Variants in CDH23 observed in about 807,000 individuals in gnomAD.
CDH23 encodes the protein cadherin related 23.
CDH23 carries 189 observed loss-of-function variants against 317.1 expected under a neutral mutation model. The observed-to-expected ratio is 0.60, with a 90% CI of 0.53 to 0.67. The LOEUF (loss-of-function observed/expected upper bound fraction) is 0.67. CDH23 is among the 30% of genes least tolerant of loss of function. The pLI is 0.00. For synonymous variants in CDH23, 1,839 were observed against 1,876.8 expected, an observed-to-expected ratio of 0.98 and a Z score of 0.52; for missense variants, 4,401 against 4,592.4, an observed-to-expected ratio of 0.96 and a Z score of 1.20.
intron 57 of CDH23, 35 bp from the exon 58 acceptor site, chr10:71,807,242 T>C: frequency 6.2e-7 from 1 of 1,608,136 alleles, no homozygotes; most frequent in Non-Finnish European, 8.5e-7. Flanking sequence ...GGTCTTCCCT[T>C]GGCCCCATGT....
intron 55 of CDH23, 82 bp from the exon 56 acceptor site, chr10:71,805,724 G>T: frequency 7.2e-7 from 1 of 1,382,766 alleles, no homozygotes; most frequent in Non-Finnish European, 9.7e-7. Context: ...TACGGCAGGA[G>T]AAAGAGCAAG....
intron 6 of CDH23, among the ~76,000 whole-genome samples, chr10:71,511,462 C>G (rs1018379264): frequency 1.3e-5 from 2 of 152,072 alleles, no homozygotes; most frequent in Admixed American, 1.3e-4. Flanking sequence ...CCCCACACCT[C>G]CAGCTGGAGT....
chr10:71,415,690 T>C (rs555252728), intron 1 of CDH23, among the ~76,000 whole-genome samples: 1 of 152,226 alleles, frequency 6.6e-6, no homozygotes, highest in Non-Finnish European at 1.5e-5. Context: ...CAAATTTTGA[T>C]GTCATATTTT....
chr10:71,434,188 C>T (rs1251311911), intron 1 of CDH23, among the ~76,000 whole-genome samples: 1 of 152,328 alleles, frequency 6.6e-6, no homozygotes, highest in African/African-American at 2.4e-5. Context: ...GGCCCACTCT[C>T]CTGCGAGTGC....
intron 24 of CDH23, among the ~76,000 whole-genome samples, chr10:71,704,056 A>G (rs946163013): frequency 1.2e-4 from 19 of 152,186 alleles, no homozygotes; most frequent in African/African-American, 4.1e-4. Flanking sequence ...AGCGTTCTCC[A>G]GGGGGTAGAG....
intron 1 of CDH23, among the ~76,000 whole-genome samples, chr10:71,415,439 A>G (rs948322549): frequency 6.6e-6 from 1 of 152,146 alleles, no homozygotes; most frequent in Non-Finnish European, 1.5e-5. Context: ...GGATTAATCA[A>G]TTGTATTGAT....
chr10:71,690,567 G>A lies in CDH23; in HGVS notation c.2159G>A (p.Arg720Gln), dbSNP rs768074758. ...IYSLEGSTQF[R>Q]INARSGEITT... Reference sequence around the variant, plus strand: ...TCCTTGGAAGGCTCCACCCAGTTTCGGATCAATGCCCGCTCAGGTGAGCCC... The same window carrying A: ...TCCTTGGAAGGCTCCACCCAGTTTCAGATCAATGCCCGCTCAGGTGAGCCC... The change falls in exon 20 of 70, where the codon CGG becomes CAG. Residue 720 changes from arginine (R) to glutamine (Q), a missense_variant. Coordinates refer to ENST00000224721, the MANE Select transcript of CDH23 (RefSeq NM_022124.6). 1.7e-5 allele frequency: 28 copies of A among 1,603,276 alleles called. No homozygotes were observed. Among genetic ancestry groups the A allele is most frequent in the South Asian group, 7.9e-5 (7 of 88,438 alleles).
chr10:71,438,347 C>CAAAAAAAAAAAAAAAAAAAA (rs10596696), intron 1 of CDH23, among the ~76,000 whole-genome samples: 18 of 98,354 alleles, frequency 1.8e-4, no homozygotes, highest in African/African-American at 3.4e-4. Flanking sequence ...CTGTCTCAAA[C>CAAAAAAAAAAAAAAAAAAAA]AAAAAAAAAA....
At chr10:71,738,052 C>T (rs747820211) in intron 34 of CDH23, among the ~76,000 whole-genome samples, 1 of 152,174 alleles carries the variant, frequency 6.6e-6, no homozygotes, top group Non-Finnish European at 1.5e-5. Context: ...TTTGGACAGC[C>T]CACACATAAT....
In CDH23 at chr10:71,724,099, C is replaced by T. The variant is rs1207934003; in HGVS notation, c.3424C>T (p.Leu1142Phe). The stretch of plus-strand genomic sequence containing the variant: ...GTTTGGGCGTGTGTGGTACCGCATC[C>T]TCCATGGTAAGTGGGGCTGCCCTAG... ...GEFGRVWYRILHGNHGNNFRI... is the reference protein window; with the variant it reads ...GEFGRVWYRIFHGNHGNNFRI... The change falls in exon 29 of 70, where the codon CTC becomes TTC. Residue 1142 changes from leucine (L) to phenylalanine (F), a missense_variant. Physicochemically the swap from Leu to Phe is conservative, Grantham distance 22 (BLOSUM62 0). Around this residue, in one of 3 missense-constraint regions of CDH23, gnomAD observed 3,068 missense variants for 3,203.3 expected, o/e 0.96. Coordinates refer to ENST00000224721, the MANE Select transcript of CDH23 (RefSeq NM_022124.6). 5.8e-6 allele frequency: 9 copies of T among 1,557,948 alleles called. No individual in the cohort carries two copies. The highest frequency in any genetic ancestry group is 7.8e-6 in the Non-Finnish European group (9 of 1,150,442).
At chr10:71,632,847 G>A (rs981640533) in intron 11 of CDH23, among the ~76,000 whole-genome samples, 2 of 152,070 alleles carry the variant, frequency 1.3e-5, no homozygotes, top group Non-Finnish European at 2.9e-5. Context: ...AGTCCATTTT[G>A]TGTTGCTTAT....
intron 9 of CDH23, among the ~76,000 whole-genome samples, chr10:71,579,093 A>G (rs1858445121): frequency 6.6e-6 from 1 of 152,176 alleles, no homozygotes; most frequent in Non-Finnish European, 1.5e-5. Context: ...TTTAACATAT[A>G]AAGGGCTTAG....
intron 14 of CDH23, among the ~76,000 whole-genome samples, chr10:71,652,444 T>G (rs1293856680): frequency 6.6e-6 from 1 of 152,238 alleles, no homozygotes; most frequent in Non-Finnish European, 1.5e-5. Context: ...AGTGATGTGG[T>G]GTAAACAGGT....
intron 38 of CDH23, among the ~76,000 whole-genome samples, chr10:71,764,485 T>C (rs1336027780): frequency 1.3e-5 from 2 of 152,214 alleles, no homozygotes; most frequent in Non-Finnish European, 2.9e-5. Flanking sequence ...AAAATCTTTT[T>C]AATTTTCTTG....
intron 14 of CDH23, among the ~76,000 whole-genome samples, chr10:71,673,282 T>C (rs1864222807): frequency 6.6e-6 from 1 of 152,202 alleles, no homozygotes; most frequent in African/African-American, 2.4e-5. Flanking sequence ...CAAGGAGGTA[T>C]GGTTTGGTCA....
At chr10:71,691,268 A>G (rs1373821663) in intron 20 of CDH23, among the ~76,000 whole-genome samples, 1 of 152,232 alleles carries the variant, frequency 6.6e-6, no homozygotes, top group Non-Finnish European at 1.5e-5. Flanking sequence ...CCAGGCTTTC[A>G]GCCAGACCTG....
At chr10:71,601,482 T>G (rs936744304) in intron 9 of CDH23, among the ~76,000 whole-genome samples, 3 of 152,166 alleles carry the variant, frequency 2.0e-5, no homozygotes, top group Non-Finnish European at 4.4e-5. Context: ...TTGCCCACGG[T>G]CACACAGCTA....
intron 6 of CDH23, among the ~76,000 whole-genome samples, chr10:71,534,730 A>G (rs61851650): frequency 0.022 from 3,341 of 152,276 alleles, 55 homozygotes; most frequent in Non-Finnish European, 0.036. Flanking sequence ...TCTGCTGTCC[A>G]GTGGCTCTGT....
At position 71,732,303 on chromosome 10, in the gene CDH23, C is replaced by T; in HGVS notation, c.4032C>T (p.Asn1344=). 6.2e-7 allele frequency: 1 copy of T among 1,611,518 alleles called. No individual in the cohort carries two copies. The highest frequency in any genetic ancestry group is 2.2e-5 in the East Asian group (1 of 44,790). Residue 1344 remains asparagine (N), a synonymous_variant, in exon 32 of 70, where the codon AAC becomes AAT. Transcript: ENST00000224721. ...AGGCCTACTCCATCGACAACCTCAA[C>T]CAAATCACGTACCGCTTCAACGCCT... is the stretch of plus-strand genomic sequence containing the variant. ...RVQAYSIDNL[N]QITYRFNAYT...
Sources: allele counts gnomAD v4.1 joint callset (sites outside exome capture counted in the v4.1 genomes callset), GRCh38; gene constraint gnomAD v4.1.1; regional missense constraint gnomAD v4.1.1; transcripts MANE v1.5; gene names NCBI Gene and HGNC (gene_info 2026-07-23, HGNC 2026-07-21).